The following MPP7 variants were observed in gnomAD, a reference collection of about 807,000 sequenced individuals.
The protein encoded by MPP7 is MAGUK p55 scaffold protein 7.
Under a neutral mutation model 76.5 loss-of-function variants are expected in MPP7, and 60 were observed. The ratio of observed to expected loss-of-function variants is 0.78; its 90% CI spans 0.64 to 0.97. MPP7 has a LOEUF of 0.97. MPP7 is among the 50% of genes least tolerant of loss of function. The pLI is 0.00. For missense variants in MPP7, 641 were observed against 694.0 expected (o/e 0.92, Z 0.86); for synonymous variants, 237 against 244.5 (o/e 0.97, Z 0.29).
chr10:28,131,722 T>C, intron 5 of MPP7, 31 bp from the exon 6 acceptor site: 1 of 1,345,670 alleles, frequency 7.4e-7, no homozygotes, highest in East Asian at 3.0e-5. Flanking sequence ...TTTAAATAAG[T>C]AAATATACAT....
chr10:28,151,126 AG>A (rs1835870460), intron 3 of MPP7, among the ~76,000 whole-genome samples: 1 of 152,206 alleles, frequency 6.6e-6, no homozygotes, highest in Non-Finnish European at 1.5e-5. Flanking sequence ...CCATTGTAAA[AG>A]TCTGGAAGAT....
At chr10:28,182,031 G>A (rs1286462640) in intron 3 of MPP7, among the ~76,000 whole-genome samples, 1 of 152,164 alleles carries the variant, frequency 6.6e-6, no homozygotes, top group Non-Finnish European at 1.5e-5. Context: ...CTTTCTGCAT[G>A]GATGTATGTT....
At position 28,313,869 on chromosome 10, in the gene MPP7, TTTTTTTA is replaced by T. The variant is rs1171850246; in HGVS notation, c.-132+16053_-132+16059del. ...ACCTGGCTAATTTTTTTTTTTTTAT[TTTTTTTA>T]TTTTTTTTTGGTAGAGACAGGGTTT... On this transcript the variant is annotated intron_variant, in intron 2 of 11. Transcript: ENST00000441595. 2.8e-3 allele frequency among the ~76,000 whole-genome samples: 303 copies of T among 106,924 alleles called. 31 individuals carry two copies. The highest frequency in any genetic ancestry group is 8.1e-3 in the African/African-American group (235 of 29,152). 70.1% of individuals were successfully genotyped at this position (106,924 alleles called of 152,430 possible).
chr10:28,219,520 A>G (rs771241478), intron 2 of MPP7, among the ~76,000 whole-genome samples: 12 of 152,154 alleles, frequency 7.9e-5, no homozygotes, highest in South Asian at 6.2e-4. Flanking sequence ...CATTATTAGT[A>G]CAAGTCTGGG....
chr10:28,309,599 A>C (rs1446811038), intron 2 of MPP7, among the ~76,000 whole-genome samples: 2 of 152,162 alleles, frequency 1.3e-5, no homozygotes. Context: ...GTTAGACTGC[A>C]GGTTTGTCTC....
intron 6 of MPP7, among the ~76,000 whole-genome samples, chr10:28,131,123 T>C (rs1835176870): frequency 6.6e-6 from 1 of 152,214 alleles, no homozygotes; most frequent in African/African-American, 2.4e-5. Context: ...AAAAGATGTT[T>C]AACAAAGAAA....
At chr10:28,250,309 T>C (rs570422942) in intron 1 of MPP7, among the ~76,000 whole-genome samples, 15 of 152,334 alleles carry the variant, frequency 9.8e-5, no homozygotes, top group African/African-American at 3.6e-4. Context: ...ATGTCATCTG[T>C]TGCTGGATCT....
At chr10:28,211,870 GAGA>G (rs1318785936) in intron 2 of MPP7, among the ~76,000 whole-genome samples, 4 of 152,064 alleles carry the variant, frequency 2.6e-5, no homozygotes, top group Admixed American at 1.3e-4. Flanking sequence ...GGGCAAACAC[GAGA>G]AGGAGCTTCA....
chr10:28,170,524 C>T (rs532136453), intron 3 of MPP7, among the ~76,000 whole-genome samples: 2 of 151,642 alleles, frequency 1.3e-5, no homozygotes, highest in Admixed American at 1.3e-4. Flanking sequence ...ACACATTAGA[C>T]TCTCTCATTC....
chr10:28,267,043 C>T (rs1285267937), intron 1 of MPP7, among the ~76,000 whole-genome samples: 1 of 152,220 alleles, frequency 6.6e-6, no homozygotes, highest in Non-Finnish European at 1.5e-5. Context: ...ATCTGTTCTG[C>T]CATATGCGTT....
chr10:28,073,782 T>C (rs1419896036), intron 12 of MPP7, among the ~76,000 whole-genome samples: 1 of 150,932 alleles, frequency 6.6e-6, no homozygotes, highest in South Asian at 2.1e-4. Context: ...AAAAAAAAAA[T>C]ATTTTTTTTT....
chr10:28,070,044 T>A (rs1356938724), intron 12 of MPP7, among the ~76,000 whole-genome samples, 192 bp from the exon 13 acceptor site: 1 of 152,206 alleles, frequency 6.6e-6, no homozygotes, highest in Non-Finnish European at 1.5e-5. Context: ...CTTTTTCAAT[T>A]GAAATCCTCA....
chr10:28,278,858 G>A (rs1261159220), intron 1 of MPP7, among the ~76,000 whole-genome samples: 1 of 149,618 alleles, frequency 6.7e-6, no homozygotes, highest in Non-Finnish European at 1.5e-5. Context: ...AATGTTAATG[G>A]AGGTAAAGGT....
At chr10:28,186,302 C>T (rs1837234173) in intron 3 of MPP7, among the ~76,000 whole-genome samples, 1 of 149,214 alleles carries the variant, frequency 6.7e-6, no homozygotes, top group African/African-American at 2.5e-5. Context: ...GCTGAGATCG[C>T]ACCACTGCAC....
intron 2 of MPP7, among the ~76,000 whole-genome samples, chr10:28,213,593 G>C (rs1465937992): frequency 6.6e-6 from 1 of 151,958 alleles, no homozygotes; most frequent in East Asian, 1.9e-4. Flanking sequence ...AGGAGTTCAA[G>C]ACCAGCCTGG....
intron 6 of MPP7, among the ~76,000 whole-genome samples, chr10:28,125,860 G>A (rs1193266646): frequency 6.6e-6 from 1 of 152,132 alleles, no homozygotes; most frequent in Non-Finnish European, 1.5e-5. Context: ...ATTAACTGCT[G>A]CCTTGTAAGA....
chr10:28,153,240 C>A (rs984411546), intron 3 of MPP7, among the ~76,000 whole-genome samples: 1 of 151,884 alleles, frequency 6.6e-6, no homozygotes, highest in African/African-American at 2.4e-5. Flanking sequence ...GGCTACAGAG[C>A]GAGACTCCAT....
intron 2 of MPP7, among the ~76,000 whole-genome samples, chr10:28,231,146 AG>A (rs1375615550): frequency 6.6e-6 from 1 of 151,950 alleles, no homozygotes; most frequent in Non-Finnish European, 1.5e-5. Context: ...CTGACCACAA[AG>A]CAATTAAGGT....
chr10:28,288,909 C>T (rs1270518261), intron 1 of MPP7, among the ~76,000 whole-genome samples: 4 of 152,104 alleles, frequency 2.6e-5, no homozygotes, highest in Non-Finnish European at 5.9e-5. Context: ...GTATTAGGCT[C>T]GGGTGTGAGG....
Sources: gnomAD v4.1 joint callset for allele counts (sites outside exome capture counted in the v4.1 genomes callset) on GRCh38, gnomAD v4.1.1 for gene constraint, MANE v1.5 for transcripts, NCBI Gene and HGNC (gene_info 2026-07-23, HGNC 2026-07-21) for gene names.